SLCO1B3: variants seen among roughly 807,000 people sequenced by gnomAD.
The protein encoded by SLCO1B3 is solute carrier organic anion transporter family member 1B3, also known as liver-specific organic anion transporter 2.
A neutral mutation model predicts 71.8 loss-of-function variants in SLCO1B3; 72 were observed. The observed-to-expected ratio is 1.00, with a 90% CI of 0.83 to 1.22. SLCO1B3 has a LOEUF of 1.22. SLCO1B3 is among the 50% of genes most tolerant of loss of function. SLCO1B3 has a pLI of 0.00. For synonymous variants in SLCO1B3, 298 were observed against 278.4 expected (o/e 1.07, Z -0.70); for missense variants, 911 against 819.7 (o/e 1.11, Z -1.36).
intron 13 of SLCO1B3, among the ~76,000 whole-genome samples, chr12:20,887,090 A>G (rs1865806040): frequency 6.6e-6 from 1 of 152,140 alleles, no homozygotes; most frequent in Admixed American, 6.6e-5. Context: ...GTGTATACAT[A>G]TATACAAAAT....
At chr12:20,883,225 T>C (rs928764214) in intron 12 of SLCO1B3, among the ~76,000 whole-genome samples, 193 bp from the exon 13 acceptor site, 3 of 152,158 alleles carry the variant, frequency 2.0e-5, no homozygotes, top group Admixed American at 6.5e-5. Context: ...TATACAGAAT[T>C]TCATACACTA....
At chr12:20,866,770 A>G (rs1865380257) in intron 8 of SLCO1B3, among the ~76,000 whole-genome samples, 3 of 152,118 alleles carry the variant, frequency 2.0e-5, no homozygotes, top group Admixed American at 2.0e-4. Flanking sequence ...AATGAGGAAG[A>G]TAAGTGAGTA....
intron 8 of SLCO1B3, among the ~76,000 whole-genome samples, chr12:20,869,491 T>C (rs929586717): frequency 2.6e-5 from 4 of 152,200 alleles, no homozygotes; most frequent in African/African-American, 7.2e-5. Context: ...CTATATCTGG[T>C]ATAACTTCTT....
At position 20,879,612 on chromosome 12, in the gene SLCO1B3, C is replaced by G; in HGVS notation, c.1312C>G (p.Leu438Val). The change falls in exon 11 of 16, where the codon CTA (leucine) becomes GTA (valine). Residue 438 changes from leucine to valine, a missense_variant. Transcript: ENST00000381545. ...LICESKSVAG[L>V]TLTYDGNNSV... ...CTGCGAAAGCAAATCAGTTGCCGGC[C>G]TAACCTTGACCTATGATGGGTTTGT... The G allele has an allele frequency of 6.2e-7, 1 of 1,609,548 alleles. No homozygotes were observed. The highest frequency in any genetic ancestry group is 8.5e-7 in the Non-Finnish European group (1 of 1,177,368).
intron 3 of SLCO1B3, among the ~76,000 whole-genome samples, chr12:20,818,199 A>G (rs781435462): frequency 6.6e-6 from 1 of 152,176 alleles, no homozygotes; most frequent in Admixed American, 6.5e-5. Context: ...CTGAGAAGGG[A>G]AAGTGGTAAA....
intron 13 of SLCO1B3, among the ~76,000 whole-genome samples, chr12:20,892,802 C>A (rs1359669173): frequency 6.6e-6 from 1 of 152,016 alleles, no homozygotes; most frequent in South Asian, 2.1e-4. Context: ...TGGACGATTG[C>A]CCTGGAGGCC....
chr12:20,895,259 C>A (rs11045588), intron 13 of SLCO1B3, among the ~76,000 whole-genome samples: 1 of 152,264 alleles, frequency 6.6e-6, no homozygotes, highest in Admixed American at 6.5e-5. Flanking sequence ...CCCCCAGAAT[C>A]TTAACTAATT....
chr12:20,912,330 TTTA>T (rs1478907574), intron 15 of SLCO1B3, among the ~76,000 whole-genome samples: 3 of 147,696 alleles, frequency 2.0e-5, no homozygotes, highest in Non-Finnish European at 4.5e-5. Flanking sequence ...TATTTATTTA[TTTA>T]TTTATTTATT....
At chr12:20,820,345 T>TGCCGG (rs965209577) in intron 3 of SLCO1B3, among the ~76,000 whole-genome samples, 1 of 152,130 alleles carries the variant, frequency 6.6e-6, no homozygotes, top group Admixed American at 6.5e-5. Context: ...TGGGAGTGGC[T>TGCCGG]GCCAGGTGAG....
At chr12:20,860,956 T>C in intron 5 of SLCO1B3, 61 bp from the exon 6 acceptor site, 1 of 1,470,342 alleles carries the variant, frequency 6.8e-7, no homozygotes, top group African/African-American at 1.4e-5. Flanking sequence ...TCTGTATTTC[T>C]GGGAAAACTG....
At chr12:20,880,501 T>C (rs1347163655) in intron 11 of SLCO1B3, among the ~76,000 whole-genome samples, 1 of 152,068 alleles carries the variant, frequency 6.6e-6, no homozygotes, top group East Asian at 1.9e-4. Context: ...AAAAATGAAG[T>C]TACTTATATA....
At chr12:20,901,134 G>T (rs536357350) in intron 14 of SLCO1B3, among the ~76,000 whole-genome samples, 2 of 152,246 alleles carry the variant, frequency 1.3e-5, no homozygotes, top group African/African-American at 4.8e-5. Context: ...TATAGGGAGA[G>T]AAGAGTAGAT....
intron 3 of SLCO1B3, among the ~76,000 whole-genome samples, chr12:20,820,620 G>A (rs1249991001): frequency 1.3e-5 from 2 of 152,104 alleles, no homozygotes; most frequent in African/African-American, 4.8e-5. Flanking sequence ...TTGAAAGTGA[G>A]GTTAATTAAG....
chr12:20,911,323 G>A (rs1866370024), intron 15 of SLCO1B3, among the ~76,000 whole-genome samples: 1 of 152,116 alleles, frequency 6.6e-6, no homozygotes, highest in Non-Finnish European at 1.5e-5. Context: ...TGCCTAAATT[G>A]TTAATGCAAT....
At position 20,820,651 on chromosome 12, in the gene SLCO1B3, G is replaced by A. The variant is rs542752706; in HGVS notation, c.84+4829G>A. On this transcript the variant is annotated intron_variant, in intron 3 of 15. Coordinates refer to ENST00000381545, the MANE Select transcript of SLCO1B3 (RefSeq NM_019844.4). ...TTAAGTCCTGTTATGGGGTTTGAGG[G>A]CCAGATTCCAATTTTTGGAGTTTTA... Among the ~76,000 whole-genome samples the A allele has an allele frequency of 3.6e-4, 55 of 152,270 alleles. No homozygotes were observed. In the Middle Eastern group the frequency reaches 0.01, roughly 28 times the overall value.
intron 10 of SLCO1B3, among the ~76,000 whole-genome samples, chr12:20,879,115 A>G (rs546231414): frequency 6.6e-6 from 1 of 151,934 alleles, no homozygotes; most frequent in East Asian, 1.9e-4. Context: ...GAGGAAGCCA[A>G]GCCCTCATAA....
intron 13 of SLCO1B3, among the ~76,000 whole-genome samples, chr12:20,894,343 G>A (rs1256509765): frequency 6.6e-6 from 1 of 152,162 alleles, no homozygotes; most frequent in Non-Finnish European, 1.5e-5. Context: ...GAGCAGGCAA[G>A]AAGTAGTGTG....
chr12:20,865,811 C>G (rs951271551), intron 8 of SLCO1B3, among the ~76,000 whole-genome samples: 2 of 152,040 alleles, frequency 1.3e-5, no homozygotes, highest in Non-Finnish European at 2.9e-5. Context: ...AAACTTTACA[C>G]AGAGAAACTC....
intron 8 of SLCO1B3, among the ~76,000 whole-genome samples, chr12:20,866,537 A>G (rs528115262): frequency 6.6e-6 from 1 of 152,248 alleles, no homozygotes; most frequent in South Asian, 2.1e-4. Flanking sequence ...AAAGCTGGAG[A>G]ACTTCATGCC....
Sources: gnomAD v4.1 joint callset for allele counts (sites outside exome capture counted in the v4.1 genomes callset) on GRCh38, gnomAD v4.1.1 for gene constraint, MANE v1.5 for transcripts, NCBI Gene and HGNC (gene_info 2026-07-23, HGNC 2026-07-21) for gene names.